The following CADM2 variants were observed in gnomAD, a reference collection of about 807,000 sequenced individuals.
CADM2 encodes immunoglobulin superfamily member 4D.
A neutral mutation model predicts 49.8 loss-of-function variants in CADM2; 12 were observed. That is an observed-to-expected ratio of 0.24 (90% CI 0.15 to 0.39). CADM2 has a LOEUF of 0.39. CADM2 is among the 10% of genes least tolerant of loss of function. The pLI, the probability that CADM2 is intolerant of heterozygous loss-of-function variation, is 1.00. For missense variants in CADM2, 378 were observed against 492.3 expected, an observed-to-expected ratio of 0.77 and a Z score of 2.20; for synonymous variants, 214 against 175.4, an observed-to-expected ratio of 1.22 and a Z score of -1.74.
intron 1 of CADM2, among the ~76,000 whole-genome samples, chr3:85,547,017 T>A (rs2061681930): frequency 6.6e-6 from 1 of 152,102 alleles, no homozygotes; most frequent in South Asian, 2.1e-4. Flanking sequence ...TTATTTTTCT[T>A]ATTTTTTTAA....
At chr3:85,478,368 A>G (rs891215084) in intron 1 of CADM2, among the ~76,000 whole-genome samples, 1 of 152,026 alleles carries the variant, frequency 6.6e-6, no homozygotes, top group Non-Finnish European at 1.5e-5. Flanking sequence ...AATAAGTGCC[A>G]TTATTAATGA....
intron 1 of CADM2, among the ~76,000 whole-genome samples, chr3:85,345,985 T>A (rs1201290125): frequency 6.6e-6 from 1 of 152,182 alleles, no homozygotes; most frequent in East Asian, 1.9e-4. Flanking sequence ...TAATGTAAAA[T>A]GTCCACAATT....
intron 2 of CADM2, among the ~76,000 whole-genome samples, chr3:85,757,467 A>C (rs2069175081): frequency 6.6e-6 from 1 of 152,156 alleles, no homozygotes; most frequent in Admixed American, 6.6e-5. Context: ...ATAGACGAGT[A>C]AATGGATAAT....
intron 1 of CADM2, among the ~76,000 whole-genome samples, chr3:85,330,497 C>T (rs2044886554): frequency 6.6e-6 from 1 of 152,206 alleles, no homozygotes; most frequent in South Asian, 2.1e-4. Context: ...ACCACTGCTA[C>T]ATAGACATTT....
At chr3:85,497,170 C>G (rs1286496768) in intron 1 of CADM2, among the ~76,000 whole-genome samples, 1 of 152,074 alleles carries the variant, frequency 6.6e-6, no homozygotes, top group Non-Finnish European at 1.5e-5. Flanking sequence ...GATTTTGCCA[C>G]TTTTTAATGG....
intron 7 of CADM2, among the ~76,000 whole-genome samples, chr3:85,940,436 A>G (rs897184779): frequency 6.6e-6 from 1 of 152,150 alleles, no homozygotes; most frequent in East Asian, 1.9e-4. Context: ...ATCATTATAC[A>G]GTGCAATTAC....
chr3:85,107,703 C>CTTTTT (rs60535953), intron 1 of CADM2, among the ~76,000 whole-genome samples: 1 of 95,266 alleles, frequency 1.0e-5, no homozygotes, highest in Admixed American at 1.1e-4. Flanking sequence ...CTTTCTCTTT[C>CTTTTT]TTTTTTTTTT....
At chr3:85,892,259 A>T (rs1714543666) in intron 5 of CADM2, among the ~76,000 whole-genome samples, 1 of 152,206 alleles carries the variant, frequency 6.6e-6, no homozygotes, top group Non-Finnish European at 1.5e-5. Context: ...GATGGAGTAA[A>T]AGCAAGCATT....
In CADM2 at chr3:85,142,597, A is replaced by C. The variant is rs571651527; in HGVS notation, c.61+182929A>C. ...AAATAGTTTAAGTGGTTATAGACTTACAGCATTATGAAGAAGAAAATGAAC... is the reference window on the plus strand; with the variant it reads ...AAATAGTTTAAGTGGTTATAGACTTCCAGCATTATGAAGAAGAAAATGAAC... On this transcript the variant is annotated intron_variant, in intron 1 of 9. Transcript: ENST00000383699. Among the ~76,000 whole-genome samples, 5 of 152,348 alleles carry C rather than the reference A, an allele frequency of 3.3e-5. No individual in the cohort carries two copies. In the East Asian group the frequency reaches 9.6e-4, roughly 29 times the overall value.
At chr3:85,242,127 G>T (rs1232834223) in intron 1 of CADM2, among the ~76,000 whole-genome samples, 1 of 150,234 alleles carries the variant, frequency 6.7e-6, no homozygotes, top group Non-Finnish European at 1.5e-5. Flanking sequence ...CTTTTTAAGT[G>T]TTCTCATGAA....
At chr3:85,555,856 A>G (rs2061944184) in intron 1 of CADM2, among the ~76,000 whole-genome samples, 1 of 152,274 alleles carries the variant, frequency 6.6e-6, no homozygotes, top group East Asian at 1.9e-4. Context: ...TATAGATCAG[A>G]TTGTAATTGT....
chr3:85,307,236 A>G (rs1318358449), intron 1 of CADM2, among the ~76,000 whole-genome samples: 4 of 151,646 alleles, frequency 2.6e-5, no homozygotes, highest in African/African-American at 9.7e-5. Flanking sequence ...CTTATTATCT[A>G]AAAGCTTCAG....
chr3:85,513,055 A>C lies in CADM2; in HGVS notation c.62-213467A>C, dbSNP rs532345600. Among the ~76,000 whole-genome samples, 18 of 152,182 alleles carry C rather than the reference A, an allele frequency of 1.2e-4. No homozygotes were observed. In the South Asian group the frequency reaches 3.3e-3, roughly 28 times the overall value. ...TAGAGATACGTGTAATATCTAAATT[A>C]ATATATTCTAAAAAATATTTGTTCT... On this transcript the variant is annotated intron_variant, in intron 1 of 9. Coordinates refer to ENST00000383699, the MANE Select transcript of CADM2 (RefSeq NM_001167675.2).
chr3:85,621,929 G>A (rs904926017), intron 1 of CADM2, among the ~76,000 whole-genome samples: 1 of 152,030 alleles, frequency 6.6e-6, no homozygotes, highest in African/African-American at 2.4e-5. Context: ...ATAATTCCCC[G>A]CTTGAATTCC....
At chr3:85,145,773 A>T (rs1391611364) in intron 1 of CADM2, among the ~76,000 whole-genome samples, 1 of 152,166 alleles carries the variant, frequency 6.6e-6, no homozygotes, top group Non-Finnish European at 1.5e-5. Flanking sequence ...ATATTTGTAT[A>T]CATTTAAAAA....
rs151011447 is a variant in CADM2 at position 85,233,384 on chromosome 3, T to C, written c.61+273716T>C. On this transcript the variant is annotated intron_variant, in intron 1 of 9. Transcript: ENST00000383699. ...GTCAACCCTAAGGTAACCATGGACC[T>C]TAACTAATAATATTGTACCAACATT... is the stretch of plus-strand genomic sequence containing the variant. Among the ~76,000 whole-genome samples the C allele has an allele frequency of 2.8e-3, 424 of 152,228 alleles. 2 individuals are homozygous for C. The highest frequency in any genetic ancestry group is 9.8e-3 in the African/African-American group (406 of 41,534).
chr3:85,292,683 A>G (rs2043835164), intron 1 of CADM2, among the ~76,000 whole-genome samples: 1 of 151,818 alleles, frequency 6.6e-6, no homozygotes, highest in Non-Finnish European at 1.5e-5. Flanking sequence ...CTGCTCCTGA[A>G]TGACTACTGG....
At chr3:85,035,493 C>T (rs1449598249) in intron 1 of CADM2, among the ~76,000 whole-genome samples, 9 of 152,120 alleles carry the variant, frequency 5.9e-5, no homozygotes, top group Non-Finnish European at 4.4e-5. Context: ...GAAATGTTTG[C>T]TTAGTCCACT....
intron 7 of CADM2, among the ~76,000 whole-genome samples, chr3:85,947,724 A>G (rs1722916675): frequency 6.6e-6 from 1 of 151,484 alleles, no homozygotes. Context: ...TTGTTTTTGA[A>G]ACAAGAAGCT....
Sources: gnomAD v4.1 joint callset for allele counts (sites outside exome capture counted in the v4.1 genomes callset) on GRCh38, gnomAD v4.1.1 for gene constraint, MANE v1.5 for transcripts, NCBI Gene and HGNC (gene_info 2026-07-23, HGNC 2026-07-21) for gene names.